MCF2L: variants seen among roughly 807,000 people sequenced by gnomAD.
MCF2L encodes guanine nucleotide exchange factor DBS.
MCF2L carries 97 observed loss-of-function variants against 153.4 expected under a neutral mutation model. The observed-to-expected ratio is 0.63, with a 90% CI of 0.54 to 0.75. The LOEUF is 0.75. Among genes scored for constraint, MCF2L ranks in the 30% least tolerant of loss-of-function variants. The probability of loss-of-function intolerance (pLI) is 0.00; values close to 1 mark genes in which losing one functional copy is unlikely to be tolerated. For synonymous variants in MCF2L, 659 were observed against 632.2 expected, an observed-to-expected ratio of 1.04 and a Z score of -0.64; for missense variants, 1,347 against 1,495.2, an observed-to-expected ratio of 0.90 and a Z score of 1.64.
intron 13 of MCF2L, 97 bp downstream of exon 13, chr13:113,077,308 A>C: frequency 7.4e-7 from 1 of 1,347,942 alleles, no homozygotes; most frequent in Non-Finnish European, 9.8e-7. Flanking sequence ...ACCTGCGAAA[A>C]CTGTCTCCAC....
chr13:113,027,759 T>C lies in MCF2L; in HGVS notation c.278+3001T>C, dbSNP rs1437101538. ...GGCAGGAAGGCAGTTATTAAGCCCATGTTATAGATGAGGCTTAATAACACG... is the reference window on the plus strand; with the variant it reads ...GGCAGGAAGGCAGTTATTAAGCCCACGTTATAGATGAGGCTTAATAACACG... On this transcript the variant is annotated intron_variant, in intron 3 of 29. Coordinates refer to ENST00000535094, the MANE Select transcript of MCF2L (RefSeq NM_001112732.3). This position sits in a 1 kb window ranked among gnomAD's most constrained non-coding sequence, Gnocchi z 4.8. Among the ~76,000 whole-genome samples, 2 of 152,166 alleles carry C rather than the reference T, an allele frequency of 1.3e-5. No individual in the cohort carries two copies. The highest frequency in any genetic ancestry group is 2.9e-5 in the Non-Finnish European group (2 of 68,022).
chr13:113,016,868 G>A (rs1309125005), intron 2 of MCF2L, among the ~76,000 whole-genome samples: 3 of 152,194 alleles, frequency 2.0e-5, no homozygotes, highest in Non-Finnish European at 2.9e-5. Context: ...ACGTCCTCCC[G>A]TGTGTGGCGT....
chr13:113,045,229 C>T lies in MCF2L; in HGVS notation c.279-42C>T. On this transcript the variant is annotated intron_variant, in intron 3 of 29. Transcript: ENST00000535094. This position sits in a 1 kb window ranked among gnomAD's most constrained non-coding sequence, Gnocchi z 4.2. The stretch of plus-strand genomic sequence containing the variant: ...AGGGATTTCGTGGGCAGCCGGCTTC[C>T]CACCTGCACACATTAACGGCGGCGT... The T allele has an allele frequency of 6.6e-7, 1 of 1,510,416 alleles. No individual in the cohort carries two copies. The highest frequency in any genetic ancestry group is 9.2e-7 in the Non-Finnish European group (1 of 1,085,994). The allele number at this position is 1,510,416 out of a possible 1,614,324, so 93.6% of individuals were successfully genotyped here.
At chr13:112,901,869 T>G (rs975786004) in intron 1 of MCF2L, among the ~76,000 whole-genome samples, 3 of 152,248 alleles carry the variant, frequency 2.0e-5, no homozygotes, top group Admixed American at 2.0e-4. Flanking sequence ...GGGACGTCTA[T>G]GTCTTTGAAA....
intron 2 of MCF2L, among the ~76,000 whole-genome samples, chr13:112,908,688 G>GT (rs2081197184): frequency 6.6e-6 from 1 of 151,896 alleles, no homozygotes; most frequent in Non-Finnish European, 1.5e-5. Context: ...AGTCACCAGC[G>GT]TGTCAGACAC....
Position 112,902,248 on chromosome 13 carries a change from A to G in MCF2L, c.46A>G (p.Asn16Asp), listed in dbSNP as rs1566626903. 1.9e-6 allele frequency: 3 copies of G among 1,612,892 alleles called. No individual in the cohort carries two copies. In the Admixed American group the frequency reaches 5.0e-5, roughly 27 times the overall value. The change falls in exon 2 of 30, where the codon AAC becomes GAC. Residue 16 changes from asparagine to aspartate, a missense_variant. By Grantham distance (23) the Asn-to-Asp change is conservative. Transcript: ENST00000375608. ...TATCCTGTGCAAGAGACCTGGAAGC[A>G]ACAGTTATTCTTCCCCACAACGGCC...
At chr13:113,081,597 C>T (rs74115786) in intron 16 of MCF2L, among the ~76,000 whole-genome samples, 2,274 of 152,370 alleles carry the variant, frequency 0.015, 47 homozygotes, top group African/African-American at 0.044. Flanking sequence ...ATTCCCGGCA[C>T]GGGGCACTCC....
At chr13:113,088,213 G>A (rs1051998630) in intron 23 of MCF2L, 114 bp from the exon 24 acceptor site, 2 of 930,690 alleles carry the variant, frequency 2.1e-6, no homozygotes, top group Non-Finnish European at 3.5e-6. Context: ...CTCACACGCA[G>A]CCACCTGACC....
At chr13:113,029,534 C>T (rs879233536) in intron 3 of MCF2L, among the ~76,000 whole-genome samples, 3 of 152,240 alleles carry the variant, frequency 2.0e-5, no homozygotes, top group Admixed American at 2.0e-4. Context: ...GAGGAAGTCT[C>T]TGCATCCCTG....
chr13:112,937,700 G>A (rs2081528555), intron 2 of MCF2L, among the ~76,000 whole-genome samples: 1 of 152,170 alleles, frequency 6.6e-6, no homozygotes, highest in South Asian at 2.1e-4. Flanking sequence ...GCCCTGATTG[G>A]GTGATGCAGC....
At chr13:113,066,637 G>C (rs1031358021) in intron 8 of MCF2L, among the ~76,000 whole-genome samples, 9 of 152,234 alleles carry the variant, frequency 5.9e-5, no homozygotes, top group Non-Finnish European at 1.3e-4. Context: ...ACAGGGTAGG[G>C]CACTCGTGTG....
chr13:113,048,534 CG>C (rs775540022), intron 4 of MCF2L, among the ~76,000 whole-genome samples: 1 of 140,118 alleles, frequency 7.1e-6, no homozygotes, highest in Non-Finnish European at 1.6e-5. Context: ...TCTGCCTCCC[CG>C]GGTTCACGCC....
Position 113,030,459 on chromosome 13 carries a change from C to T in MCF2L, c.278+5701C>T, listed in dbSNP as rs1366593422. ...GTGTGGACTCTCAGGTGTCCGCTGA[C>T]GCAGGTGTGGGCCCTCGGGTGTCCG... On this transcript the variant is annotated intron_variant, in intron 3 of 29. Coordinates refer to ENST00000535094, the MANE Select transcript of MCF2L (RefSeq NM_001112732.3). Among the ~76,000 whole-genome samples the T allele has an allele frequency of 1.7e-3, 216 of 124,456 alleles. 2 individuals carry two copies. Among genetic ancestry groups the T allele is most frequent in the Middle Eastern group, 0.016 (2 of 128 alleles). The allele number at this position is 124,456 out of a possible 152,430, so 81.6% of individuals were successfully genotyped here. A position where few individuals can be genotyped will look rare whatever the true frequency, so the allele number is the denominator to read the frequency against.
chr13:112,990,435 C>G (rs2082854409), intron 1 of MCF2L, among the ~76,000 whole-genome samples: 1 of 152,106 alleles, frequency 6.6e-6, no homozygotes, highest in South Asian at 2.1e-4. Flanking sequence ...GTGCTTATCC[C>G]ACATACGGTG....
chr13:113,063,630 GTTAT>G (rs758170828), intron 5 of MCF2L, among the ~76,000 whole-genome samples: 6 of 152,172 alleles, frequency 3.9e-5, no homozygotes, highest in Admixed American at 1.3e-4. Context: ...TAGCTCAGGG[GTTAT>G]TTGACACCAC....
intron 2 of MCF2L, among the ~76,000 whole-genome samples, chr13:112,903,677 G>C (rs1039317184): frequency 2.0e-5 from 3 of 152,328 alleles, no homozygotes; most frequent in African/African-American, 7.2e-5. Context: ...GCGGGATTAA[G>C]AATTTGATTT....
chr13:112,894,337 T>C (rs1358552654), upstream of MCF2L: 1 of 144,008 alleles, frequency 6.9e-6, no homozygotes, highest in Non-Finnish European at 1.5e-5. Flanking sequence ...CCCCGCCCAG[T>C]GTCGGCGCAG....
intron 2 of MCF2L, among the ~76,000 whole-genome samples, chr13:112,927,631 G>A (rs1372601609): frequency 3.3e-5 from 5 of 152,206 alleles, no homozygotes; most frequent in African/African-American, 4.8e-5. Flanking sequence ...CACAGAAGGC[G>A]AGTTGGACAT....
intron 5 of MCF2L, 80 bp downstream of exon 5, chr13:113,060,792 C>G: frequency 3.2e-6 from 5 of 1,567,726 alleles, no homozygotes; most frequent in Non-Finnish European, 4.3e-6. Context: ...CATCGAAATC[C>G]TCGAGGAGCT....
Sources: gnomAD v4.1 joint callset for allele counts (sites outside exome capture counted in the v4.1 genomes callset) on GRCh38, gnomAD v4.1.1 for gene constraint, Gnocchi (gnomAD v3.1) non-coding constraint, MANE v1.5 for transcripts, NCBI Gene and HGNC (gene_info 2026-07-23, HGNC 2026-07-21) for gene names.